Variants in SEPTIN9 observed in about 807,000 individuals in gnomAD.
SEPTIN9 encodes the protein septin-9.
SEPTIN9 carries 13 observed loss-of-function variants against 56.6 expected under a neutral mutation model. The ratio of observed to expected loss-of-function variants is 0.23; its 90% CI spans 0.15 to 0.37. The LOEUF is 0.37. SEPTIN9 is among the 10% of genes least tolerant of loss of function. The probability of loss-of-function intolerance (pLI) is 1.00; values close to 1 mark genes in which losing one functional copy is unlikely to be tolerated. For missense variants in SEPTIN9, 650 were observed against 823.1 expected (o/e 0.79, Z 2.57); for synonymous variants, 332 against 334.1 (o/e 0.99, Z 0.07).
At chr17:77,409,452 G>T (rs1216274416) in intron 3 of SEPTIN9, among the ~76,000 whole-genome samples, 1 of 152,134 alleles carries the variant, frequency 6.6e-6, no homozygotes, top group Admixed American at 6.5e-5. Flanking sequence ...GGCTGGTCCG[G>T]GAATGCAGCG....
At chr17:77,397,485 T>C (rs551519618) in intron 2 of SEPTIN9, among the ~76,000 whole-genome samples, 1 of 152,152 alleles carries the variant, frequency 6.6e-6, no homozygotes, top group South Asian at 2.1e-4. Context: ...CATTCGTGGG[T>C]TCTTGGGGTT....
chr17:77,490,845 C>T lies in SEPTIN9; in HGVS notation c.1366C>T (p.His456Tyr), dbSNP rs761657138. The T allele has an allele frequency of 1.9e-6, 3 of 1,581,458 alleles. No individual in the cohort carries two copies. Among genetic ancestry groups the T allele is most frequent in the Non-Finnish European group, 2.6e-6 (3 of 1,163,304 alleles). ...ADTLTLEERV[H>Y]FKQRITADLL... ...CACACTCACCCTGGAGGAGAGGGTC[C>T]ACTTCAAACAGCGGGTAGGGTTCCA... Residue 456 changes from histidine to tyrosine, a missense_variant, in exon 8 of 12, where the codon CAC (histidine) becomes TAC (tyrosine). Coordinates refer to ENST00000427177, the MANE Select transcript of SEPTIN9 (RefSeq NM_001113491.2).
chr17:77,485,765 C>T (rs1341283851), intron 4 of SEPTIN9, among the ~76,000 whole-genome samples: 1 of 152,072 alleles, frequency 6.6e-6, no homozygotes, highest in East Asian at 1.9e-4. Context: ...GCACCAGCCT[C>T]TGTCCTCCCA....
rs538637940 is a variant in SEPTIN9 at position 77,487,545 on chromosome 17, C to T, written c.1035C>T (p.Ile345=). 3 of 1,613,388 alleles carry T rather than the reference C, an allele frequency of 1.9e-6. No homozygotes were observed. Among genetic ancestry groups the T allele is most frequent in the Non-Finnish European group, 2.5e-6 (3 of 1,179,824 alleles). ...CCAAGACCATCGAGATCAAGTCCATCACGCACGGTCAGTGGCCGGGAGTGG... is the reference window on the plus strand; with the variant it reads ...CCAAGACCATCGAGATCAAGTCCATTACGCACGGTCAGTGGCCGGGAGTGG... ...RIPKTIEIKS[I]THDIEEKGVR... Residue 345 remains isoleucine (I), a synonymous_variant, in exon 5 of 12, where the codon ATC becomes ATT. Transcript: ENST00000427177. This position sits in a 1 kb window ranked among gnomAD's most constrained non-coding sequence, Gnocchi z 4.3.
chr17:77,482,867 G>A, intron 4 of SEPTIN9: 1 of 383,860 alleles, frequency 2.6e-6, no homozygotes, highest in Non-Finnish European at 4.8e-6. Flanking sequence ...CAGGGTGAGG[G>A]GGCCAGGCTG....
Position 77,317,367 on chromosome 17 carries a change from G to T in SEPTIN9, c.76+10170G>T, listed in dbSNP as rs1315366580. Among the ~76,000 whole-genome samples, 1 of 152,230 alleles carries T rather than the reference G, an allele frequency of 6.6e-6. No homozygotes were observed. The highest frequency in any genetic ancestry group is 1.5e-5 in the Non-Finnish European group (1 of 68,034). On this transcript the variant is annotated intron_variant, in intron 2 of 11. Transcript: ENST00000427177. This position sits in a 1 kb window ranked among gnomAD's most constrained non-coding sequence, Gnocchi z 4.2. ...CAGGAGGTGAGTGACTGGCAAGCGA[G>T]CGAAGCTTCATCTGTATTTACAGTC...
In SEPTIN9 at chr17:77,456,857, G is replaced by A. The variant is rs936209194; in HGVS notation, c.722-25287G>A. On this transcript the variant is annotated intron_variant, in intron 3 of 11. Transcript: ENST00000427177. This position sits in a 1 kb window ranked among gnomAD's most constrained non-coding sequence, Gnocchi z 6.0. ...TCCCCACGGCCAATACCAGATCCCA[G>A]TGACCAGCACTAGATGTCCACAGCC... Among the ~76,000 whole-genome samples, 1 of 152,138 alleles carries A rather than the reference G, an allele frequency of 6.6e-6. No homozygotes were observed. Among genetic ancestry groups the A allele is most frequent in the African/African-American group, 2.4e-5 (1 of 41,428 alleles).
intron 3 of SEPTIN9, among the ~76,000 whole-genome samples, chr17:77,465,807 C>T (rs887133533): frequency 9.9e-5 from 15 of 151,788 alleles, no homozygotes; most frequent in Admixed American, 2.0e-4. Flanking sequence ...CTAGTTGCAG[C>T]GTGAGAGAGG....
chr17:77,370,272 C>G (rs1237274189), intron 2 of SEPTIN9, among the ~76,000 whole-genome samples: 1 of 152,182 alleles, frequency 6.6e-6, no homozygotes, highest in African/African-American at 2.4e-5. Context: ...AGGGGAAAAC[C>G]TTTCTTTGCC....
In SEPTIN9 at chr17:77,322,290, G is replaced by A. The variant is rs548753253; in HGVS notation, c.76+15093G>A. On this transcript the variant is annotated intron_variant, in intron 2 of 11. Transcript: ENST00000427177. ...ACAAAACACTCTTTGAAAGCAGCCA[G>A]TGCTGTGCCCCAGAGACCACTCTGA... Among the ~76,000 whole-genome samples, 6 of 152,354 alleles carry A rather than the reference G, an allele frequency of 3.9e-5. No homozygotes were observed. In the South Asian group the frequency reaches 1.2e-3, roughly 32 times the overall value.
At chr17:77,416,420 T>C (rs2036510462) in intron 3 of SEPTIN9, among the ~76,000 whole-genome samples, 1 of 152,182 alleles carries the variant, frequency 6.6e-6, no homozygotes, top group Non-Finnish European at 1.5e-5. Flanking sequence ...CCCCCGGCCC[T>C]CTGAACGGAG....
At chr17:77,381,083 C>T (rs1441999337) in intron 2 of SEPTIN9, among the ~76,000 whole-genome samples, 1 of 152,220 alleles carries the variant, frequency 6.6e-6, no homozygotes, top group African/African-American at 2.4e-5. Flanking sequence ...GTGGCCTTTG[C>T]AGGCAGCAGT....
chr17:77,394,878 G>C (rs550041411), intron 2 of SEPTIN9, among the ~76,000 whole-genome samples: 2 of 152,310 alleles, frequency 1.3e-5, no homozygotes, highest in South Asian at 2.1e-4. Context: ...GGAGGGGAAA[G>C]TTTGCATCTG....
intron 3 of SEPTIN9, among the ~76,000 whole-genome samples, chr17:77,423,179 G>A (rs980557699): frequency 1.3e-5 from 2 of 152,074 alleles, no homozygotes; most frequent in African/African-American, 4.8e-5. Flanking sequence ...GGGACTACAG[G>A]CTCACACCAC....
rs373011617 is a variant in SEPTIN9, at chr17:77,475,811, G to A, written c.722-6333G>A. 32 of 1,613,380 alleles carry A rather than the reference G, an allele frequency of 2.0e-5. No individual in the cohort carries two copies. The Admixed American group carries it at 2.2e-4, about 11-fold the overall frequency. On this transcript the variant is annotated intron_variant, in intron 3 of 11. Coordinates refer to ENST00000427177, the MANE Select transcript of SEPTIN9 (RefSeq NM_001113491.2). This position sits in a 1 kb window ranked among gnomAD's most constrained non-coding sequence, Gnocchi z 4.6. ...TGTGGTGAGTGCCACCGGCTCCCCT[G>A]CCGTGGCCTGGTCAGTGGCTTCACA...
intron 2 of SEPTIN9, among the ~76,000 whole-genome samples, chr17:77,380,879 T>C (rs1421145256): frequency 6.6e-6 from 1 of 152,164 alleles, no homozygotes; most frequent in Non-Finnish European, 1.5e-5. Context: ...CTGGGTGTTA[T>C]GTAGACTCTG....
intron 2 of SEPTIN9, among the ~76,000 whole-genome samples, chr17:77,349,275 C>G (rs2033983853): frequency 1.3e-5 from 2 of 152,002 alleles, no homozygotes; most frequent in African/African-American, 4.8e-5. Flanking sequence ...TGCCATCATA[C>G]CCAGCTAATT....
At chr17:77,368,006 G>C (rs1427147410) in intron 2 of SEPTIN9, among the ~76,000 whole-genome samples, 1 of 152,234 alleles carries the variant, frequency 6.6e-6, no homozygotes, top group African/African-American at 2.4e-5. Flanking sequence ...ACGGAATTCT[G>C]TCACTACATG....
chr17:77,338,475 G>A (rs1246275643), intron 2 of SEPTIN9, among the ~76,000 whole-genome samples: 1 of 151,996 alleles, frequency 6.6e-6, no homozygotes, highest in Non-Finnish European at 1.5e-5. Context: ...CTGGAGTGCA[G>A]TGGCACGATT....
Sources: gnomAD v4.1 joint callset for allele counts (sites outside exome capture counted in the v4.1 genomes callset) on GRCh38, gnomAD v4.1.1 for gene constraint, Gnocchi (gnomAD v3.1) non-coding constraint, MANE v1.5 for transcripts, NCBI Gene and HGNC (gene_info 2026-07-23, HGNC 2026-07-21) for gene names.